Variants in GPR157 observed in about 807,000 individuals in gnomAD.
GPR157 encodes the protein G-protein coupled receptor 157.
A neutral mutation model predicts 23.5 loss-of-function variants in GPR157; 16 were observed. The observed-to-expected ratio is 0.68, with a 90% CI of 0.46 to 1.04. GPR157 has a LOEUF of 1.04. Among genes scored for constraint, GPR157 ranks in the 50% least tolerant of loss-of-function variants. The pLI is 0.00. For missense variants in GPR157, 440 were observed against 460.7 expected, an observed-to-expected ratio of 0.96 and a Z score of 0.41; for synonymous variants, 200 against 221.5, an observed-to-expected ratio of 0.90 and a Z score of 0.86.
chr1:9,115,586 T>C (rs1417251438), intron 1 of GPR157, among the ~76,000 whole-genome samples: 1 of 152,114 alleles, frequency 6.6e-6, no homozygotes, highest in Non-Finnish European at 1.5e-5. Context: ...GGTACGAGTT[T>C]TCTTCCCCCC....
At chr1:9,108,428 G>A (rs1638397259) in intron 2 of GPR157, among the ~76,000 whole-genome samples, 2 of 152,228 alleles carry the variant, frequency 1.3e-5, no homozygotes, top group Admixed American at 1.3e-4. Flanking sequence ...CAGCCCCGCA[G>A]GCTTCCTGCC....
At chr1:9,116,316 TA>T (rs1638668400) in intron 1 of GPR157, among the ~76,000 whole-genome samples, 1 of 20,626 alleles carries the variant, frequency 4.8e-5, no homozygotes, top group South Asian at 1.6e-3. Context: ...ATATTATATA[TA>T]ATATATATAA....
At chr1:9,110,200 C>G (rs796864419) in intron 2 of GPR157, among the ~76,000 whole-genome samples, 23 of 152,316 alleles carry the variant, frequency 1.5e-4, no homozygotes, top group African/African-American at 5.3e-4. Flanking sequence ...CTATACAGCA[C>G]TCTGGTGCTA....
chr1:9,115,076 G>T (rs539007587), intron 1 of GPR157, among the ~76,000 whole-genome samples: 1 of 152,076 alleles, frequency 6.6e-6, no homozygotes, highest in African/African-American at 2.4e-5. Context: ...TCAGGGAGCC[G>T]GTGGAAATGG....
At chr1:9,108,659 T>C (rs949592619) in intron 2 of GPR157, among the ~76,000 whole-genome samples, 7 of 152,078 alleles carry the variant, frequency 4.6e-5, no homozygotes, top group African/African-American at 1.7e-4. Flanking sequence ...TCATTTTTTC[T>C]TTTTTTTGAG....
At position 9,105,467 on chromosome 1, in the gene GPR157, C is replaced by T. The variant is rs2124506432; in HGVS notation, c.792+19G>A. 6 of 1,532,520 alleles carry T rather than the reference C, an allele frequency of 3.9e-6. No individual in the cohort carries two copies. In the Admixed American group the frequency reaches 8.0e-5, roughly 20 times the overall value. 94.9% of individuals were successfully genotyped at this position (1,532,520 alleles called of 1,614,324 possible). The stretch of plus-strand genomic sequence containing the variant: ...CCTCTGGGGGCAGGGACGACAAGGG[C>T]CAGGGAGGGCAGACCTACATGCAGA... On this transcript the variant is annotated intron_variant, in intron 3 of 3. Coordinates refer to ENST00000377411, the MANE Select transcript of GPR157 (RefSeq NM_024980.5). This position sits in a 1 kb window ranked among gnomAD's most constrained non-coding sequence, Gnocchi z 4.8.
intron 1 of GPR157, among the ~76,000 whole-genome samples, chr1:9,123,174 A>AAAAAAAAAT (rs1553175764): frequency 1.0e-4 from 12 of 117,088 alleles, no homozygotes; most frequent in African/African-American, 3.7e-4. Flanking sequence ...AAAAAAAAAA[A>AAAAAAAAAT]ATATATATAT....
At chr1:9,123,570 T>TCTAA (rs374080619) in intron 1 of GPR157, among the ~76,000 whole-genome samples, 77 of 17,090 alleles carry the variant, frequency 4.5e-3, no homozygotes, top group African/African-American at 0.013. Flanking sequence ...TTTAAATATA[T>TCTAA]TTTAAATATA....
intron 1 of GPR157, among the ~76,000 whole-genome samples, chr1:9,122,681 A>T (rs1638825807): frequency 6.6e-6 from 1 of 152,180 alleles, no homozygotes; most frequent in Admixed American, 6.6e-5. Flanking sequence ...ACAAACCCAA[A>T]TTGAGAGGCT....
intron 1 of GPR157, among the ~76,000 whole-genome samples, chr1:9,115,506 T>C (rs1221447451): frequency 6.6e-6 from 1 of 151,986 alleles, no homozygotes; most frequent in Non-Finnish European, 1.5e-5. Context: ...AAGGAAGACA[T>C]AGAAAACAAG....
chr1:9,123,260 AAATATATAT>A (rs1458930783), intron 1 of GPR157, among the ~76,000 whole-genome samples: 3,935 of 25,436 alleles, frequency 0.15, 457 homozygotes, highest in African/African-American at 0.35. Context: ...ATATATATTT[AAATATATAT>A]ATTTAAATAT....
At chr1:9,111,595 C>G in intron 1 of GPR157, 106 bp from the exon 2 acceptor site, 1 of 848,394 alleles carries the variant, frequency 1.2e-6, no homozygotes, top group South Asian at 1.6e-5. Flanking sequence ...GGGATGCTCT[C>G]CAGAGCCTGG....
intron 1 of GPR157, among the ~76,000 whole-genome samples, chr1:9,115,619 A>G (rs113600876): frequency 0.014 from 2,099 of 151,946 alleles, 61 homozygotes; most frequent in African/African-American, 0.048. Context: ...TGTTTCCTCA[A>G]TTTGTTTCTG....
chr1:9,115,523 G>A (rs1307312675), intron 1 of GPR157, among the ~76,000 whole-genome samples: 1 of 151,890 alleles, frequency 6.6e-6, no homozygotes, highest in African/African-American at 2.4e-5. Flanking sequence ...CAAGACATAT[G>A]TTGGTTGCTC....
At chr1:9,111,770 G>A (rs1638503820) in intron 1 of GPR157, among the ~76,000 whole-genome samples, 1 of 152,190 alleles carries the variant, frequency 6.6e-6, no homozygotes, top group East Asian at 1.9e-4. Context: ...CAGAGTTCGA[G>A]ACCAGGCTGG....
At chr1:9,126,646 G>T (rs1347471775) in intron 1 of GPR157, among the ~76,000 whole-genome samples, 2 of 152,112 alleles carry the variant, frequency 1.3e-5, no homozygotes, top group African/African-American at 4.8e-5. Context: ...AAATACACTG[G>T]AGAGTCCTTA....
Position 9,105,645 on chromosome 1 carries a change from G to C in GPR157, c.633C>G (p.Ser211=), listed in dbSNP as rs766152616. ...TALSEYRPIL[S]QEHRLLRHSS... ...AGTGGCGCAGCAGGCGGTGCTCCTGGGAGAGGATGGGCCGGTACTCAGAGA... is the reference window on the plus strand; with the variant it reads ...AGTGGCGCAGCAGGCGGTGCTCCTGCGAGAGGATGGGCCGGTACTCAGAGA... The change falls in exon 3 of 4, where the codon TCC becomes TCG. Residue 211 remains serine, a synonymous_variant. Coordinates refer to ENST00000377411, the MANE Select transcript of GPR157 (RefSeq NM_024980.5). The surrounding 1 kb of genome is among the most constrained non-coding windows in gnomAD (Gnocchi z 4.8). The C allele has an allele frequency of 2.5e-6, 4 of 1,612,816 alleles. No individual in the cohort carries two copies. Among genetic ancestry groups the C allele is most frequent in the Non-Finnish European group, 3.4e-6 (4 of 1,179,588 alleles).
At position 9,128,930 on chromosome 1, in the gene GPR157, A is replaced by C. The variant is rs114206792; in HGVS notation, c.98T>G (p.Val33Gly). Residue 33 changes from valine to glycine, a missense_variant, in exon 1 of 4, where the codon GTG becomes GGG. Val to Gly is a moderately radical substitution (Grantham distance 109). Transcript: ENST00000377411. The surrounding 1 kb of genome is among the most constrained non-coding windows in gnomAD (Gnocchi z 6.3). The part of the protein sequence containing the change: ...ALSALGSGLL[V>G]ATHALWPDLR... ...GTCGGGCCACAGGGCGTGCGTGGCC[A>C]CCAGCAGGCCCGAGCCGAGCGCGGA... 11 of 1,534,602 alleles carry C rather than the reference A, an allele frequency of 7.2e-6. No individual in the cohort carries two copies. In the South Asian group the frequency reaches 1.3e-4, roughly 18 times the overall value.
rs35650719 is a variant in GPR157, at chr1:9,113,956, AACACACACACACACACAC to A, written c.384-2485_384-2468del. Among the ~76,000 whole-genome samples the A allele has an allele frequency of 1.5e-4, 18 of 121,890 alleles. No individual in the cohort carries two copies. In the East Asian group the frequency reaches 2.2e-3, roughly 15 times the overall value. The allele number at this position is 121,890 out of a possible 152,430, so 80.0% of individuals were successfully genotyped here. A position where few individuals can be genotyped will look rare whatever the true frequency, so the allele number is the denominator to read the frequency against. ...AGACCCTGTCTCAAAAAAAAAACCAAACACACACACACACACACACACACACACACACACACACACACA... is the reference window on the plus strand; with the variant it reads ...AGACCCTGTCTCAAAAAAAAAACCAAACACACACACACACACACACACACA... On this transcript the variant is annotated intron_variant, in intron 1 of 3. Transcript: ENST00000377411.
Sources: gnomAD v4.1 joint callset for allele counts (sites outside exome capture counted in the v4.1 genomes callset) on GRCh38, gnomAD v4.1.1 for gene constraint, Gnocchi (gnomAD v3.1) non-coding constraint, MANE v1.5 for transcripts, NCBI Gene and HGNC (gene_info 2026-07-23, HGNC 2026-07-21) for gene names.